The following SLC38A6 variants were observed in gnomAD, a reference collection of about 807,000 sequenced individuals.
SLC38A6 encodes the protein N system amino acid transporter NAT-1.
In SLC38A6, 73 loss-of-function variants were observed where a neutral mutation model predicts 65.0. The ratio of observed to expected loss-of-function variants is 1.12; its 90% CI spans 0.93 to 1.37. The LOEUF (loss-of-function observed/expected upper bound fraction) is 1.37. Among genes scored for constraint, SLC38A6 ranks in the 40% most tolerant of loss-of-function variants. The pLI is 0.00. For synonymous variants in SLC38A6, 183 were observed against 178.8 expected (o/e 1.02, Z -0.19); for missense variants, 561 against 531.1 (o/e 1.06, Z -0.55).
chr14:61,045,479 A>C, intron 11 of SLC38A6, 54 bp downstream of exon 11: 1 of 1,327,660 alleles, frequency 7.5e-7, no homozygotes, highest in East Asian at 2.3e-5. Context: ...TTTACCTCTA[A>C]GGCTTTCGGA....
chr14:61,070,529 A>C (rs1450783829), intron 15 of SLC38A6, among the ~76,000 whole-genome samples: 1 of 152,188 alleles, frequency 6.6e-6, no homozygotes, highest in Non-Finnish European at 1.5e-5. Flanking sequence ...GGGAGTGCAA[A>C]TATCTCTTCC....
intron 3 of SLC38A6, among the ~76,000 whole-genome samples, chr14:60,986,264 CAGAG>C (rs1262113581): frequency 6.6e-6 from 1 of 152,250 alleles, no homozygotes; most frequent in Non-Finnish European, 1.5e-5. Flanking sequence ...TTTTTATACA[CAGAG>C]AGCTCTAAGC....
intron 1 of SLC38A6, 40 bp from the exon 2 acceptor site, chr14:60,982,468 C>T: frequency 5.1e-6 from 8 of 1,579,576 alleles, no homozygotes; most frequent in African/African-American, 1.4e-5. Flanking sequence ...TTAACTTCAC[C>T]GTCCAAACAT....
intron 3 of SLC38A6, among the ~76,000 whole-genome samples, chr14:61,004,162 G>A (rs1399297302): frequency 6.6e-6 from 1 of 151,956 alleles, no homozygotes; most frequent in Admixed American, 6.6e-5. Context: ...TCAGGTAATT[G>A]AAAGACCAAT....
At chr14:61,063,589 G>T (rs2042926553) in intron 15 of SLC38A6, among the ~76,000 whole-genome samples, 1 of 152,188 alleles carries the variant, frequency 6.6e-6, no homozygotes, top group African/African-American at 2.4e-5. Flanking sequence ...GTAGAGAATT[G>T]CATGCAAAGT....
intron 5 of SLC38A6, among the ~76,000 whole-genome samples, chr14:61,029,155 CT>C (rs111427405): frequency 0.017 from 2,196 of 130,292 alleles, 15 homozygotes; most frequent in African/African-American, 0.047. Context: ...ACTCTTTATT[CT>C]TTTTTTTTTT....
chr14:61,074,700 TCCC>T (rs2043340683), intron 15 of SLC38A6, among the ~76,000 whole-genome samples: 13 of 114,156 alleles, frequency 1.1e-4, no homozygotes, highest in East Asian at 6.2e-4. Context: ...CCTCCCTCCC[TCCC>T]TCCCTCCCTT....
chr14:61,043,382 T>C (rs2041928014), intron 9 of SLC38A6, 68 bp from the exon 10 acceptor site: 1 of 1,303,344 alleles, frequency 7.7e-7, no homozygotes, highest in Non-Finnish European at 1.1e-6. Context: ...AATTCATCAT[T>C]TTTATTGATA....
intron 5 of SLC38A6, among the ~76,000 whole-genome samples, chr14:61,024,808 C>T (rs2040522957): frequency 6.6e-6 from 1 of 152,192 alleles, no homozygotes; most frequent in South Asian, 2.1e-4. Context: ...CACATGATAA[C>T]AGTGAAGTCA....
intron 15 of SLC38A6, among the ~76,000 whole-genome samples, chr14:61,063,137 TG>T (rs1240086238): frequency 6.6e-6 from 1 of 152,212 alleles, no homozygotes; most frequent in Non-Finnish European, 1.5e-5. Context: ...AAGAAATCAG[TG>T]TATTAAATTT....
chr14:61,068,309 A>C (rs965859484), intron 15 of SLC38A6, among the ~76,000 whole-genome samples: 2 of 152,090 alleles, frequency 1.3e-5, no homozygotes, highest in Admixed American at 1.3e-4. Context: ...CATACTGCAA[A>C]GTAGTTGTTT....
intron 6 of SLC38A6, among the ~76,000 whole-genome samples, chr14:61,031,533 T>A (rs2040990568): frequency 6.6e-6 from 1 of 152,152 alleles, no homozygotes; most frequent in Admixed American, 6.5e-5. Flanking sequence ...AAGTCCTAAA[T>A]GATTTCTCTT....
At chr14:61,069,625 C>T (rs953803292) in intron 15 of SLC38A6, among the ~76,000 whole-genome samples, 2 of 152,110 alleles carry the variant, frequency 1.3e-5, no homozygotes, top group African/African-American at 2.4e-5. Context: ...AGCTCAAATC[C>T]CACTTCTGTA....
chr14:61,069,536 C>A (rs553884368), intron 15 of SLC38A6, among the ~76,000 whole-genome samples: 11 of 152,206 alleles, frequency 7.2e-5, no homozygotes, highest in Admixed American at 5.2e-4. Context: ...TACTCCTCTC[C>A]CTACTCCCAC....
chr14:61,031,531 A>G (rs562229448), intron 6 of SLC38A6, among the ~76,000 whole-genome samples: 1 of 152,238 alleles, frequency 6.6e-6, no homozygotes, highest in South Asian at 2.1e-4. Flanking sequence ...AGAAGTCCTA[A>G]ATGATTTCTC....
chr14:61,043,778 C>T (rs181176151), intron 10 of SLC38A6, among the ~76,000 whole-genome samples: 2 of 148,472 alleles, frequency 1.3e-5, no homozygotes, highest in East Asian at 4.1e-4. Context: ...AACAGATTTA[C>T]CGAATGTCTG....
chr14:61,006,940 T>C (rs2039172377), intron 3 of SLC38A6, among the ~76,000 whole-genome samples: 1 of 152,144 alleles, frequency 6.6e-6, no homozygotes, highest in South Asian at 2.1e-4. Context: ...CCAACAATGA[T>C]AGAGTGGATT....
At chr14:61,014,862 T>C (rs1421220574) in intron 3 of SLC38A6, among the ~76,000 whole-genome samples, 1 of 152,148 alleles carries the variant, frequency 6.6e-6, no homozygotes, top group Non-Finnish European at 1.5e-5. Flanking sequence ...TTCTGTCCCT[T>C]CTCAGATCTC....
chr14:61,069,738 C>A (rs758357422), intron 15 of SLC38A6, among the ~76,000 whole-genome samples: 2 of 152,140 alleles, frequency 1.3e-5, no homozygotes, highest in Non-Finnish European at 2.9e-5. Flanking sequence ...TCATAAACTA[C>A]TTTTGTAATT....
Sources: allele counts gnomAD v4.1 joint callset (sites outside exome capture counted in the v4.1 genomes callset), GRCh38; gene constraint gnomAD v4.1.1; transcripts MANE v1.5; gene names NCBI Gene and HGNC (gene_info 2026-07-23, HGNC 2026-07-21).